Variants in SDK1 observed in about 807,000 individuals in gnomAD.
SDK1 encodes protein sidekick-1.
SDK1 carries 157 observed loss-of-function variants against 245.5 expected under a neutral mutation model. That is an observed-to-expected ratio of 0.64 (90% CI 0.56 to 0.73). SDK1 has a LOEUF of 0.73. Ranked by LOEUF, SDK1 falls within the 30% of genes least tolerant of loss-of-function variation. The probability of loss-of-function intolerance (pLI) is 0.00; values close to 1 mark genes in which losing one functional copy is unlikely to be tolerated. For missense variants in SDK1, 3,583 were observed against 3,002.3 expected, an observed-to-expected ratio of 1.19 and a Z score of -4.52; for synonymous variants, 1,647 against 1,278.5, an observed-to-expected ratio of 1.29 and a Z score of -6.15.
chr7:4,161,900 CA>C (rs779667942), intron 32 of SDK1, 44 bp downstream of exon 32: 1 of 1,542,528 alleles, frequency 6.5e-7, no homozygotes, highest in South Asian at 1.1e-5. Context: ...AATGTGTTCT[CA>C]TTTCCCTGCG....
chr7:3,962,223 C>T lies in SDK1; in HGVS notation c.1235-434C>T, dbSNP rs116530965. Among the ~76,000 whole-genome samples the T allele has an allele frequency of 4.5e-3, 691 of 152,302 alleles. 5 individuals are homozygous for T. The highest frequency in any genetic ancestry group is 0.016 in the African/African-American group (648 of 41,570). ...ATTCTGCCCAAGGTGACACTGTCCGCGAGGCATGGACCTGGGATGTGGCCT... is the reference window on the plus strand; with the variant it reads ...ATTCTGCCCAAGGTGACACTGTCCGTGAGGCATGGACCTGGGATGTGGCCT... On this transcript the variant is annotated intron_variant, in intron 8 of 44. Transcript: ENST00000404826.
intron 14 of SDK1, among the ~76,000 whole-genome samples, chr7:3,995,763 C>T (rs868124588): frequency 2.4e-4 from 37 of 151,612 alleles, no homozygotes; most frequent in Middle Eastern, 6.4e-3. Context: ...TGAGCACTTT[C>T]TCTGCTATGA....
At chr7:3,462,341 C>T (rs1187568816) in intron 1 of SDK1, among the ~76,000 whole-genome samples, 3 of 152,122 alleles carry the variant, frequency 2.0e-5, no homozygotes, top group African/African-American at 4.8e-5. Context: ...CCCCCCTGCC[C>T]CGCCGAGGTT....
intron 1 of SDK1, among the ~76,000 whole-genome samples, chr7:3,572,211 C>A (rs1304802929): frequency 1.3e-5 from 2 of 152,030 alleles, no homozygotes; most frequent in African/African-American, 2.4e-5. Flanking sequence ...AAGTAACTCA[C>A]ATTCTTTTTA....
chr7:3,534,549 T>C (rs78564834), intron 1 of SDK1, among the ~76,000 whole-genome samples: 2 of 151,458 alleles, frequency 1.3e-5, no homozygotes, highest in South Asian at 4.2e-4. Flanking sequence ...AGCACTTGTC[T>C]TTTTTTTTGG....
chr7:3,647,162 G>T (rs1322574697), intron 4 of SDK1, among the ~76,000 whole-genome samples: 1 of 152,220 alleles, frequency 6.6e-6, no homozygotes, highest in Non-Finnish European at 1.5e-5. Flanking sequence ...AAAGCAGGAG[G>T]ATGGCTTGAG....
intron 22 of SDK1, among the ~76,000 whole-genome samples, chr7:4,090,800 T>C (rs1192370114): frequency 1.3e-4 from 20 of 152,228 alleles, no homozygotes; most frequent in Non-Finnish European, 2.9e-5. Flanking sequence ...TATCTATAGC[T>C]AGGTCAGTTT....
intron 16 of SDK1, among the ~76,000 whole-genome samples, chr7:4,013,808 C>T (rs2128150406): frequency 6.6e-6 from 1 of 152,310 alleles, no homozygotes; most frequent in African/African-American, 2.4e-5. Context: ...AATAGCAAGG[C>T]CCCTTTTGTC....
intron 28 of SDK1, among the ~76,000 whole-genome samples, chr7:4,138,631 C>T (rs1779252817): frequency 6.6e-6 from 1 of 151,802 alleles, no homozygotes; most frequent in Admixed American, 6.6e-5. Context: ...CCTGTAATCC[C>T]ACCTACTTGG....
intron 5 of SDK1, among the ~76,000 whole-genome samples, chr7:3,918,116 C>T (rs913411318): frequency 3.3e-5 from 5 of 152,210 alleles, no homozygotes; most frequent in Non-Finnish European, 7.4e-5. Flanking sequence ...CAGGGGCTAC[C>T]CTCTCACCTC....
At chr7:3,697,913 C>G (rs1000066277) in intron 4 of SDK1, among the ~76,000 whole-genome samples, 2 of 152,126 alleles carry the variant, frequency 1.3e-5, no homozygotes. Flanking sequence ...AAACTGTGAA[C>G]ATTATATGAA....
intron 1 of SDK1, among the ~76,000 whole-genome samples, chr7:3,432,244 C>G (rs958321744): frequency 1.3e-5 from 2 of 151,328 alleles, no homozygotes; most frequent in African/African-American, 4.9e-5. Context: ...GCCAACTGTG[C>G]TGTATTTTGG....
chr7:3,465,568 A>T (rs902192762), intron 1 of SDK1, among the ~76,000 whole-genome samples: 1 of 152,098 alleles, frequency 6.6e-6, no homozygotes, highest in African/African-American at 2.4e-5. Context: ...TGCTAGGTTC[A>T]TATACTGTTG....
At chr7:3,474,091 G>GTTTTTTTTTTTTTTTTTTTTTTTTTT in intron 1 of SDK1, among the ~76,000 whole-genome samples, 1 of 43,212 alleles carries the variant, frequency 2.3e-5, no homozygotes, top group Non-Finnish European at 3.9e-5. Flanking sequence ...ACCAGATGGT[G>GTTTTTTTTTTTTTTTTTTTTTTTTTT]TTTTTTTTTT....
At chr7:3,427,734 T>C (rs10268837) in intron 1 of SDK1, among the ~76,000 whole-genome samples, 61,884 of 151,858 alleles carry the variant, frequency 0.41, 14,099 homozygotes, top group Admixed American at 0.5. Flanking sequence ...TAATGTGAAG[T>C]TTTTTTGCTG....
intron 1 of SDK1, among the ~76,000 whole-genome samples, chr7:3,571,313 T>A (rs138321005): frequency 1.3e-5 from 2 of 152,032 alleles, no homozygotes; most frequent in African/African-American, 4.8e-5. Flanking sequence ...ATTTTTAATT[T>A]TTTTTTGAGA....
chr7:3,974,702 A>G (rs1051083914), intron 13 of SDK1, 157 bp downstream of exon 13: 7 of 605,062 alleles, frequency 1.2e-5, no homozygotes, highest in African/African-American at 1.1e-4. Flanking sequence ...ATATATGGAC[A>G]AGGTTTTTTT....
chr7:4,235,840 C>T (rs894524377), intron 41 of SDK1, among the ~76,000 whole-genome samples: 7 of 152,212 alleles, frequency 4.6e-5, no homozygotes, highest in African/African-American at 9.6e-5. Flanking sequence ...GCGTCAGGAC[C>T]GGGCCAGGCC....
chr7:4,193,995 C>CA (rs1375716265), intron 35 of SDK1, among the ~76,000 whole-genome samples: 1 of 152,134 alleles, frequency 6.6e-6, no homozygotes, highest in African/African-American at 2.4e-5. Flanking sequence ...CAATTCACGC[C>CA]AAGGACTATC....
Sources: allele counts gnomAD v4.1 joint callset (sites outside exome capture counted in the v4.1 genomes callset), GRCh38; gene constraint gnomAD v4.1.1; transcripts MANE v1.5; gene names NCBI Gene and HGNC (gene_info 2026-07-23, HGNC 2026-07-21).